The following RANBP2 variants were observed in gnomAD, a reference collection of about 807,000 sequenced individuals.
The protein encoded by RANBP2 is E3 SUMO-protein ligase RanBP2.
A neutral mutation model predicts 303.6 loss-of-function variants in RANBP2; 57 were observed. The ratio of observed to expected loss-of-function variants is 0.19; its 90% CI spans 0.15 to 0.23. RANBP2 has a LOEUF of 0.23. RANBP2 is among the 10% of genes least tolerant of loss of function. The probability of loss-of-function intolerance (pLI) is 1.00; values close to 1 mark genes in which losing one functional copy is unlikely to be tolerated. For synonymous variants in RANBP2, 1,167 were observed against 1,301.5 expected (o/e 0.90, Z 2.23); for missense variants, 3,138 against 3,780.8 (o/e 0.83, Z 4.46).
At chr2:109,598,597 CT>C in the RANBP2 span, among the ~76,000 whole-genome samples, 1 of 151,870 alleles carries the variant, frequency 6.6e-6, no homozygotes, top group Non-Finnish European at 1.5e-5. Flanking sequence ...AATCTCAGCA[CT>C]TTGGGAGGCT....
the RANBP2 span, among the ~76,000 whole-genome samples, chr2:109,254,680 C>A: frequency 2.0e-5 from 3 of 152,154 alleles, no homozygotes; most frequent in East Asian, 5.8e-4. Context: ...CAGCTGTACC[C>A]CCTAATGTTG....
the RANBP2 span, among the ~76,000 whole-genome samples, chr2:109,123,934 G>A: frequency 5.3e-5 from 8 of 152,000 alleles, no homozygotes; most frequent in African/African-American, 1.7e-4. Flanking sequence ...CTGAAACCAA[G>A]GTTCTTAGCA....
chr2:109,661,996 T>C, the RANBP2 span, among the ~76,000 whole-genome samples: 5 of 152,188 alleles, frequency 3.3e-5, no homozygotes, highest in South Asian at 2.1e-4. Flanking sequence ...GGGATCATAA[T>C]TGGTTGAAGG....
the RANBP2 span, among the ~76,000 whole-genome samples, chr2:109,735,473 T>G: frequency 6.7e-6 from 1 of 149,538 alleles, no homozygotes; most frequent in Non-Finnish European, 1.5e-5. Context: ...AACACAGTAA[T>G]GCAGATCTCT....
the RANBP2 span, among the ~76,000 whole-genome samples, chr2:109,215,831 CT>C: frequency 6.6e-6 from 1 of 152,136 alleles, no homozygotes; most frequent in African/African-American, 2.4e-5. Context: ...GAGTTTGTTC[CT>C]TTTCTTTCTT....
At chr2:109,242,263 A>G in the RANBP2 span, among the ~76,000 whole-genome samples, 3 of 152,278 alleles carry the variant, frequency 2.0e-5, no homozygotes, top group East Asian at 1.9e-4. Context: ...GTCCTGAGGC[A>G]TGGGTTCCCC....
chr2:109,074,367 CA>C, the RANBP2 span, among the ~76,000 whole-genome samples: 21 of 143,834 alleles, frequency 1.5e-4, no homozygotes, highest in African/African-American at 3.5e-4. Context: ...GACTCTGTCT[CA>C]AAAAAAAAAG....
chr2:109,553,006 A>G, the RANBP2 span: 1 of 1,527,778 alleles, frequency 6.5e-7, no homozygotes, highest in African/African-American at 1.4e-5. Context: ...AAGAGTCTCA[A>G]GCAAATTCTT....
chr2:108,910,888 G>C, the RANBP2 span: 6 of 1,613,918 alleles, frequency 3.7e-6, no homozygotes, highest in Non-Finnish European at 5.1e-6. Flanking sequence ...CAGGCTCTCC[G>C]ACAGGGGGAG....
At chr2:109,173,117 T>G in the RANBP2 span, among the ~76,000 whole-genome samples, 3 of 152,256 alleles carry the variant, frequency 2.0e-5, no homozygotes, top group Admixed American at 2.0e-4. Flanking sequence ...ATGAACATCT[T>G]TTTTTAACTC....
chr2:109,168,667 C>G, the RANBP2 span, among the ~76,000 whole-genome samples: 1 of 48,382 alleles, frequency 2.1e-5, no homozygotes, highest in South Asian at 9.6e-4. Context: ...AAACTGAAAA[C>G]CTTTCAGTCA....
the RANBP2 span, among the ~76,000 whole-genome samples, chr2:109,246,937 C>A: frequency 7.0e-4 from 107 of 152,310 alleles, no homozygotes; most frequent in African/African-American, 2.2e-3. Context: ...TGCAGCTCAG[C>A]CTTGAGGAGG....
At chr2:108,763,128 ATCT>A in intron 19 of RANBP2, 106 bp from the exon 20 acceptor site, 2 of 1,256,220 alleles carry the variant, frequency 1.6e-6, no homozygotes, top group East Asian at 2.5e-5. Flanking sequence ...CCCTAATGAG[ATCT>A]TCTTCACTTC....
the RANBP2 span, among the ~76,000 whole-genome samples, chr2:109,404,529 G>A: frequency 3.9e-5 from 6 of 152,116 alleles, no homozygotes; most frequent in African/African-American, 1.4e-4. Flanking sequence ...GGCCTAGGCT[G>A]GCCACAAGCA....
At chr2:109,733,721 A>C in the RANBP2 span, among the ~76,000 whole-genome samples, 3 of 151,980 alleles carry the variant, frequency 2.0e-5, no homozygotes, top group Admixed American at 2.0e-4. Flanking sequence ...AAAATCAAAA[A>C]CAAAACTGAG....
At chr2:109,532,542 T>A in the RANBP2 span, among the ~76,000 whole-genome samples, 2 of 151,842 alleles carry the variant, frequency 1.3e-5, no homozygotes, top group African/African-American at 4.9e-5. Flanking sequence ...AAAGCCACTG[T>A]GACAGAAGGG....
the RANBP2 span, among the ~76,000 whole-genome samples, chr2:108,963,049 G>C: frequency 6.6e-6 from 1 of 152,276 alleles, no homozygotes; most frequent in East Asian, 1.9e-4. Context: ...TGGTGGCTCT[G>C]CGTCACTGAA....
the RANBP2 span, among the ~76,000 whole-genome samples, chr2:109,456,072 C>T: frequency 1.3e-5 from 2 of 152,240 alleles, no homozygotes; most frequent in Non-Finnish European, 2.9e-5. Flanking sequence ...TGATGCATCG[C>T]TGGGCTCCCA....
At chr2:109,490,939 A>G in the RANBP2 span, 1 of 1,488,246 alleles carries the variant, frequency 6.7e-7, no homozygotes, top group Admixed American at 2.1e-5. Context: ...AGAGAGAGGT[A>G]AGTGCAGGGG....
Sources: gnomAD v4.1 joint callset for allele counts (sites outside exome capture counted in the v4.1 genomes callset) on GRCh38, gnomAD v4.1.1 for gene constraint, MANE v1.5 for transcripts, NCBI Gene and HGNC (gene_info 2026-07-23, HGNC 2026-07-21) for gene names.